The following UACA variants were observed in gnomAD, a reference collection of about 807,000 sequenced individuals.
The protein encoded by UACA is nuclear membrane binding protein.
In UACA, 112 loss-of-function variants were observed where a neutral mutation model predicts 160.5. The observed-to-expected ratio is 0.70, with a 90% confidence interval of 0.60 to 0.82. UACA has a LOEUF of 0.82. UACA is among the 40% of genes least tolerant of loss of function. The pLI, the probability that UACA is intolerant of heterozygous loss-of-function variation, is 0.00. For synonymous variants in UACA, 557 were observed against 568.4 expected (o/e 0.98, Z 0.29); for missense variants, 1,574 against 1,614.6 (o/e 0.97, Z 0.43).
chr15:70,669,338 A>G lies in UACA; in HGVS notation c.1346T>C (p.Met449Thr). Reference sequence around the variant, plus strand: ...TTTTGCTGACTCACAGAAAGTTCGCATTGCTTCTAACTCTTTCTTTAAAAT... The same window carrying G: ...TTTTGCTGACTCACAGAAAGTTCGCGTTGCTTCTAACTCTTTCTTTAAAAT... ...NEILKKELEA[M>T]RTFCESAKQD... Residue 449 changes from methionine (M) to threonine (T), a missense_variant, in exon 16 of 19, where the codon ATG (methionine) becomes ACG (threonine). Physicochemically the swap from Met to Thr is moderately conservative, Grantham distance 81. Transcript: ENST00000322954. The G allele has an allele frequency of 1.9e-6, 3 of 1,614,020 alleles. No individual in the cohort carries two copies. Among genetic ancestry groups the G allele is most frequent in the East Asian group, 2.2e-5 (1 of 44,860 alleles).
At chr15:70,715,568 C>T (rs1308189082) in intron 1 of UACA, among the ~76,000 whole-genome samples, 1 of 152,028 alleles carries the variant, frequency 6.6e-6, no homozygotes, top group African/African-American at 2.4e-5. Context: ...TATATAAAAG[C>T]AGAGGGTTAC....
intron 1 of UACA, among the ~76,000 whole-genome samples, chr15:70,737,060 T>A (rs780877057): frequency 2.0e-5 from 3 of 152,206 alleles, no homozygotes; most frequent in Non-Finnish European, 4.4e-5. Context: ...TTCAAGGATA[T>A]TGAAAATGTT....
chr15:70,677,235 G>T, intron 11 of UACA, 95 bp from the exon 12 acceptor site: 1 of 942,860 alleles, frequency 1.1e-6, no homozygotes, highest in Non-Finnish European at 1.6e-6. Flanking sequence ...ATTGGCAAAT[G>T]TCTTTAAGAC....
At chr15:70,743,398 T>G (rs1899598813) in intron 1 of UACA, among the ~76,000 whole-genome samples, 1 of 152,222 alleles carries the variant, frequency 6.6e-6, no homozygotes, top group African/African-American at 2.4e-5. Flanking sequence ...ATATTCAAAG[T>G]CCTGGGGATT....
At chr15:70,778,187 T>C in the UACA span, among the ~76,000 whole-genome samples, 1 of 148,302 alleles carries the variant, frequency 6.7e-6, no homozygotes, top group Non-Finnish European at 1.5e-5. Context: ...GGTGACAAAA[T>C]GAGACCTGGT....
chr15:70,745,238 T>C (rs895881102), intron 1 of UACA, among the ~76,000 whole-genome samples: 1 of 151,948 alleles, frequency 6.6e-6, no homozygotes, highest in Admixed American at 6.6e-5. Flanking sequence ...AAGACCATCC[T>C]AGCTAACATG....
chr15:70,754,394 C>T (rs2030289995), intron 1 of UACA, among the ~76,000 whole-genome samples: 1 of 152,186 alleles, frequency 6.6e-6, no homozygotes, highest in African/African-American at 2.4e-5. Context: ...ATATTCAATA[C>T]TTTCTTATAA....
chr15:70,759,267 C>T (rs77132888), intron 1 of UACA, among the ~76,000 whole-genome samples: 6,851 of 152,238 alleles, frequency 0.045, 545 homozygotes, highest in African/African-American at 0.16. Flanking sequence ...ATACATATAA[C>T]TGAACACACA....
At chr15:70,741,746 A>G (rs1203014075) in intron 1 of UACA, among the ~76,000 whole-genome samples, 2 of 152,244 alleles carry the variant, frequency 1.3e-5, no homozygotes, top group Non-Finnish European at 2.9e-5. Context: ...TCATGCAAAA[A>G]TGACTACAGA....
At position 70,664,734 on chromosome 15, in the gene UACA, G is replaced by A. The variant is rs1896842813; in HGVS notation, c.4041C>T (p.Asn1347=). 2 of 1,613,718 alleles carry A rather than the reference G, an allele frequency of 1.2e-6. No individual in the cohort carries two copies. Among genetic ancestry groups the A allele is most frequent in the Non-Finnish European group, 1.7e-6 (2 of 1,179,856 alleles). ...GLSQLTYTSG[N]PTKRQSQLID... is the part of the protein sequence containing the mutation. ...TCAGCTGGCTCTGCCTCTTGGTGGG[G>A]TTCCCACTTGTGTAGGTGAGTTGGG... The change falls in exon 17 of 19, where the codon AAC becomes AAT. Residue 1347 remains asparagine (N), a synonymous_variant. Transcript: ENST00000322954.
chr15:70,701,730 TACTA>T, intron 1 of UACA: 1 of 686,650 alleles, frequency 1.5e-6, no homozygotes, highest in Non-Finnish European at 2.3e-6. Flanking sequence ...TGTTTACTAT[TACTA>T]ACCCCAATCT....
Position 70,667,724 on chromosome 15 carries a change from G to A in UACA, c.2960C>T (p.Pro987Leu), listed in dbSNP as rs1349283189. ...CTCGCACTCCTCAAAGCTGACAATT[G>A]GGGCGTATTTTACCTTAATGCATTC... ...IQECIKVKYA[P>L]IVSFEECERK... Residue 987 changes from proline to leucine, a missense_variant, in exon 16 of 19, where the codon CCA becomes CTA. Physicochemically the swap from Pro to Leu is moderately conservative, Grantham distance 98 (BLOSUM62 -3). Transcript: ENST00000322954. 1 of 1,613,938 alleles carries A rather than the reference G, an allele frequency of 6.2e-7. No individual in the cohort carries two copies. The highest frequency in any genetic ancestry group is 1.3e-5 in the African/African-American group (1 of 75,008).
intron 8 of UACA, 44 bp from the exon 9 acceptor site, chr15:70,682,839 C>T (rs759578697): frequency 1.4e-6 from 2 of 1,450,290 alleles, no homozygotes; most frequent in Admixed American, 4.2e-5. Context: ...GGCAGGTTAA[C>T]TTGGGGTAGG....
Position 70,699,671 on chromosome 15 carries a change from G to GAA in UACA, c.79-13_79-12dup. ...CCAATCTGCTGCATGCTACAAAAAG[G>GAA]AAAAAAAAAAGTAAATATGGCATAC... On this transcript the variant is annotated splice_polypyrimidine_tract_variant and intron_variant, in intron 1 of 18. Transcript: ENST00000322954. 4 of 1,449,298 alleles carry GAA rather than the reference G, an allele frequency of 2.8e-6. No individual in the cohort carries two copies. Among genetic ancestry groups the GAA allele is most frequent in the Non-Finnish European group, 2.8e-6 (3 of 1,078,742 alleles). The allele number at this position is 1,449,298 out of a possible 1,614,324, so 89.8% of individuals were successfully genotyped here. A position where few individuals can be genotyped will look rare whatever the true frequency, so the allele number is the denominator to read the frequency against.
chr15:70,680,187 A>G (rs1376526780), intron 9 of UACA, among the ~76,000 whole-genome samples: 1 of 152,166 alleles, frequency 6.6e-6, no homozygotes, highest in Non-Finnish European at 1.5e-5. Context: ...GCAATATAAA[A>G]AGGTCTTTAA....
chr15:70,736,497 C>A (rs1009151298), intron 1 of UACA, among the ~76,000 whole-genome samples: 1 of 152,116 alleles, frequency 6.6e-6, no homozygotes, highest in African/African-American at 2.4e-5. Context: ...TACAGCCGCA[C>A]GATCTTGGCT....
chr15:70,713,304 C>T (rs1450889806), intron 1 of UACA, among the ~76,000 whole-genome samples: 4 of 152,010 alleles, frequency 2.6e-5, no homozygotes, highest in African/African-American at 4.8e-5. Flanking sequence ...GCCGAGATCG[C>T]GCCACTGCAC....
intron 1 of UACA, among the ~76,000 whole-genome samples, chr15:70,705,490 C>G (rs1436128744): frequency 6.6e-6 from 1 of 151,912 alleles, no homozygotes. Context: ...GAGCCAAGAT[C>G]GCAGCATTGC....
chr15:70,748,225 TAAAGA>T (rs1015964477), intron 1 of UACA, among the ~76,000 whole-genome samples: 5 of 152,016 alleles, frequency 3.3e-5, no homozygotes, highest in African/African-American at 7.3e-5. Flanking sequence ...TTCTTAGCTG[TAAAGA>T]AAAGTCAAAA....
Sources: allele counts gnomAD v4.1 joint callset (sites outside exome capture counted in the v4.1 genomes callset), GRCh38; gene constraint gnomAD v4.1.1; transcripts MANE v1.5; gene names NCBI Gene and HGNC (gene_info 2026-07-23, HGNC 2026-07-21).